ABCC3: variants seen among roughly 807,000 people sequenced by gnomAD.
The protein encoded by ABCC3 is ATP binding cassette subfamily C member 3.
ABCC3 carries 121 observed loss-of-function variants against 165.3 expected under a neutral mutation model. The ratio of observed to expected loss-of-function variants is 0.73; its 90% CI spans 0.63 to 0.85. The LOEUF (loss-of-function observed/expected upper bound fraction) is 0.85, where lower values mean the gene tolerates loss of function less well. Among genes scored for constraint, ABCC3 ranks in the 40% least tolerant of loss-of-function variants. The pLI, the probability that ABCC3 is intolerant of heterozygous loss-of-function variation, is 0.00. For synonymous variants in ABCC3, 733 were observed against 810.1 expected (o/e 0.90, Z 1.62); for missense variants, 1,869 against 1,964.1 (o/e 0.95, Z 0.92).
chr17:50,679,639 C>G, intron 25 of ABCC3, 159 bp from the exon 26 acceptor site: 1 of 617,558 alleles, frequency 1.6e-6, no homozygotes. Flanking sequence ...GATTACAGCC[C>G]CAGCTGGCAT....
At chr17:50,673,679 T>G (rs2146628311) in intron 19 of ABCC3, 21 bp downstream of exon 19, 1 of 1,611,938 alleles carries the variant, frequency 6.2e-7, no homozygotes, top group East Asian at 2.2e-5. Context: ...TCCTGGGCCC[T>G]CTGATTCCCA....
chr17:50,653,617 G>T (rs1415144104), intron 1 of ABCC3, among the ~76,000 whole-genome samples: 1 of 151,886 alleles, frequency 6.6e-6, no homozygotes, highest in African/African-American at 2.4e-5. Flanking sequence ...GCTGGGCGTG[G>T]AGGCACACAC....
chr17:50,639,011 A>T (rs2054203360), intron 1 of ABCC3, among the ~76,000 whole-genome samples: 2 of 152,210 alleles, frequency 1.3e-5, no homozygotes, highest in South Asian at 4.1e-4. Context: ...CTGCCTTCTT[A>T]GTAGGCAGCC....
At chr17:50,644,278 T>G (rs1392440343) in intron 1 of ABCC3, among the ~76,000 whole-genome samples, 1 of 114,276 alleles carries the variant, frequency 8.8e-6, no homozygotes, top group Non-Finnish European at 1.7e-5. Context: ...ACCACTGCAC[T>G]CCAGCCTGGG....
chr17:50,681,250 C>T (rs985260480), intron 26 of ABCC3, among the ~76,000 whole-genome samples: 4 of 152,148 alleles, frequency 2.6e-5, no homozygotes, highest in Non-Finnish European at 4.4e-5. Flanking sequence ...GCTCAGCCAT[C>T]GACCTTGCCT....
In ABCC3 at chr17:50,664,047, C is replaced by T; in HGVS notation, c.1274C>T (p.Pro425Leu). The change falls in exon 10 of 31, where the codon CCC (proline) becomes CTC (leucine). Residue 425 changes from proline (P) to leucine (L), a missense_variant. By Grantham distance (98) the Pro-to-Leu change is moderately conservative. Coordinates refer to ENST00000285238, the MANE Select transcript of ABCC3 (RefSeq NM_003786.4). ...GCCCAGCGCTTCATGGACCTTGCCC[C>T]CTTCCTCAATCTGCTGTGGTCAGCA... is the stretch of plus-strand genomic sequence containing the variant. ...VDAQRFMDLA[P>L]FLNLLWSAPL... is the part of the protein sequence containing the mutation. 6.2e-7 allele frequency: 1 copy of T among 1,614,204 alleles called. No individual in the cohort carries two copies. The highest frequency in any genetic ancestry group is 1.1e-5 in the South Asian group (1 of 91,080).
chr17:50,691,178 C>T lies in ABCC3; in HGVS notation c.4562C>T (p.Ala1521Val). The T allele has an allele frequency of 1.9e-6, 3 of 1,613,778 alleles. No homozygotes were observed. Among genetic ancestry groups the T allele is most frequent in the South Asian group, 1.1e-5 (1 of 91,068 alleles). The change falls in exon 31 of 31, where the codon GCC (alanine) becomes GTC (valine). Residue 1521 changes from alanine (A) to valine (V), a missense_variant. Transcript: ENST00000285238. ...IAARGIFYGM[A>V]RDAGLA ...GCTAGAGGCATCTTCTACGGGATGG[C>T]CAGAGATGCTGGACTTGCCTAAAAT...
At chr17:50,658,634 AT>A in intron 6 of ABCC3, 138 bp downstream of exon 6, 1 of 964,398 alleles carries the variant, frequency 1.0e-6, no homozygotes, top group Non-Finnish European at 1.6e-6. Context: ...CACAGGGCAG[AT>A]GAGGGTAGGG....
In ABCC3 at chr17:50,644,846, G is replaced by A. The variant is rs1187136572; in HGVS notation, c.45+9865G>A. ...ATCCTCGCTAACACGGTAAAACCCC[G>A]TCTCTACTAAAAATACAAAAAATTA... On this transcript the variant is annotated intron_variant, in intron 1 of 30. Transcript: ENST00000285238. Among the ~76,000 whole-genome samples, 6 of 152,118 alleles carry A rather than the reference G, an allele frequency of 3.9e-5. No homozygotes were observed. In the South Asian group the frequency reaches 6.2e-4, roughly 16 times the overall value.
At position 50,634,923 on chromosome 17, in the gene ABCC3, C is replaced by T. The variant is rs2054163646; in HGVS notation, c.-14C>T. On this transcript the variant is annotated 5_prime_UTR_variant, in exon 1 of 31. Transcript: ENST00000285238. The stretch of plus-strand genomic sequence containing the variant: ...CGACCGCGCTCGCCTTCCTTGCAGC[C>T]GCGCCTCGGCCCCATGGACGCCCTG... The T allele has an allele frequency of 2.4e-6, 3 of 1,254,384 alleles. No individual in the cohort carries two copies. The highest frequency in any genetic ancestry group is 3.0e-6 in the Non-Finnish European group (3 of 998,068). The allele number at this position is 1,254,384 out of a possible 1,614,324, so 77.7% of individuals were successfully genotyped here.
rs1007957151 is a variant in ABCC3, at chr17:50,655,711, A to G, written c.46-121A>G. The G allele has an allele frequency of 3.5e-6, 3 of 857,496 alleles. No individual in the cohort carries two copies. The African/African-American group carries it at 5.1e-5, about 15-fold the overall frequency. The allele number at this position is 857,496 out of a possible 1,614,324, so 53.1% of individuals were successfully genotyped here. A position where few individuals can be genotyped will look rare whatever the true frequency, so the allele number is the denominator to read the frequency against. ...CTCATTTGTGTACTCTCTCCTCCTCACCTGTCTTCCACTCCACCCCTGTCT... is the reference window on the plus strand; with the variant it reads ...CTCATTTGTGTACTCTCTCCTCCTCGCCTGTCTTCCACTCCACCCCTGTCT... On this transcript the variant is annotated intron_variant, in intron 1 of 30. Transcript: ENST00000285238.
chr17:50,660,445 G>T (rs915249117), intron 7 of ABCC3, among the ~76,000 whole-genome samples: 2 of 152,186 alleles, frequency 1.3e-5, no homozygotes, highest in African/African-American at 4.8e-5. Context: ...TGTTGGAGGA[G>T]CCTGGGGCTG....
rs770770958 is a variant in ABCC3 at position 50,687,519 on chromosome 17, G to A, written c.4281-17G>A. On this transcript the variant is annotated splice_polypyrimidine_tract_variant and intron_variant, in intron 29 of 30. Transcript: ENST00000285238. The stretch of plus-strand genomic sequence containing the variant: ...GGGAGGCCCCCAGCTGGAAATGCCT[G>A]CCTTCTCCACTCCCAGCGTGGGCCA... 1.9e-6 allele frequency: 3 copies of A among 1,609,084 alleles called. No individual in the cohort carries two copies. The highest frequency in any genetic ancestry group is 2.7e-5 in the African/African-American group (2 of 74,904).
chr17:50,672,870 GA>G (rs376786367), intron 17 of ABCC3, 100 bp from the exon 18 acceptor site: 191,425 of 911,712 alleles, frequency 0.21, no homozygotes, highest in South Asian at 0.24. Flanking sequence ...CCCATCTCAG[GA>G]AAAAAAAAAA....
At position 50,687,606 on chromosome 17, in the gene ABCC3, G is replaced by C; in HGVS notation, c.4351G>C (p.Glu1451Gln). 6.2e-7 allele frequency: 1 copy of C among 1,614,230 alleles called. No individual in the cohort carries two copies. Among genetic ancestry groups the C allele is most frequent in the Non-Finnish European group, 8.5e-7 (1 of 1,180,048 alleles). ...LRKSRILVLD[E>Q]ATAAIDLETD... is the part of the protein sequence containing the mutation. Reference sequence around the variant, plus strand: ...CAAGAGCCGCATCCTGGTTTTAGACGAGGCCACAGCTGCCATCGACCTGGA... The same window carrying C: ...CAAGAGCCGCATCCTGGTTTTAGACCAGGCCACAGCTGCCATCGACCTGGA... Residue 1451 changes from glutamate to glutamine, a missense_variant, in exon 30 of 31, where the codon GAG becomes CAG. Physicochemically the swap from Glu to Gln is conservative, Grantham distance 29. Coordinates refer to ENST00000285238, the MANE Select transcript of ABCC3 (RefSeq NM_003786.4).
intron 29 of ABCC3, 44 bp from the exon 30 acceptor site, chr17:50,687,492 G>A (rs369101237): frequency 4.4e-6 from 7 of 1,589,952 alleles, no homozygotes; most frequent in Non-Finnish European, 5.1e-6. Flanking sequence ...CCAGAGGCAG[G>A]TGGGAGGCCC....
At chr17:50,655,781 C>A in intron 1 of ABCC3, 51 bp from the exon 2 acceptor site, 1 of 1,575,738 alleles carries the variant, frequency 6.3e-7, no homozygotes, top group South Asian at 1.1e-5. Context: ...TCAAGGCAGC[C>A]CAATTCTCTG....
intron 5 of ABCC3, 43 bp from the exon 6 acceptor site, chr17:50,658,392 G>T: frequency 1.3e-6 from 2 of 1,598,500 alleles, no homozygotes; most frequent in Non-Finnish European, 1.7e-6. Flanking sequence ...TGAGAGGGTG[G>T]TGGGCACTCC....
chr17:50,657,243 G>A, intron 4 of ABCC3, 60 bp downstream of exon 4: 1 of 1,585,054 alleles, frequency 6.3e-7, no homozygotes, highest in Non-Finnish European at 8.6e-7. Flanking sequence ...GTGACCTCAG[G>A]GTTCAAAGTC....
Sources: gnomAD v4.1 joint callset for allele counts (sites outside exome capture counted in the v4.1 genomes callset) on GRCh38, gnomAD v4.1.1 for gene constraint, MANE v1.5 for transcripts, NCBI Gene and HGNC (gene_info 2026-07-23, HGNC 2026-07-21) for gene names.